Variants in CTSS observed in about 807,000 individuals in gnomAD.
CTSS encodes the protein cathepsin S.
In CTSS, 15 loss-of-function variants were observed where a neutral mutation model predicts 39.9. The observed-to-expected ratio is 0.38, with a 90% CI of 0.25 to 0.58. The LOEUF is 0.58. Among genes scored for constraint, CTSS ranks in the 20% least tolerant of loss-of-function variants. The pLI is 0.70. For synonymous variants in CTSS, 126 were observed against 138.2 expected, an observed-to-expected ratio of 0.91 and a Z score of 0.62; for missense variants, 250 against 398.2, an observed-to-expected ratio of 0.63 and a Z score of 3.17.
intron 7 of CTSS, among the ~76,000 whole-genome samples, chr1:150,745,999 G>A (rs1571097585): frequency 6.6e-6 from 1 of 152,106 alleles, no homozygotes; most frequent in East Asian, 1.9e-4. Context: ...TCTTATACCT[G>A]AAAGTTTACA....
intron 4 of CTSS, among the ~76,000 whole-genome samples, chr1:150,752,416 G>C (rs1161032754): frequency 6.6e-6 from 1 of 152,108 alleles, no homozygotes; most frequent in Non-Finnish European, 1.5e-5. Flanking sequence ...TATGATGCCT[G>C]AAACATAAGA....
intron 7 of CTSS, among the ~76,000 whole-genome samples, chr1:150,734,774 ATAAAT>A (rs1196067257): frequency 1.3e-5 from 2 of 152,218 alleles, no homozygotes; most frequent in Admixed American, 1.3e-4. Flanking sequence ...TTTTGAGTAA[ATAAAT>A]TTATATTAAT....
At chr1:150,763,602 CTT>C (rs755626979) in intron 2 of CTSS, among the ~76,000 whole-genome samples, 1 of 151,756 alleles carries the variant, frequency 6.6e-6, no homozygotes, top group African/African-American at 2.4e-5. Flanking sequence ...AAAAATAAAA[CTT>C]AGAGTGTATG....
intron 1 of CTSS, 148 bp downstream of exon 1, chr1:150,765,550 T>A (rs1052787948): frequency 3.9e-5 from 6 of 152,218 alleles, no homozygotes; most frequent in Non-Finnish European, 7.3e-5. Context: ...GACATTAACT[T>A]TTTAAAAATA....
chr1:150,730,469 C>G lies in CTSS; in HGVS notation c.*2577G>C, dbSNP rs978634278. ...TTTTCTCTGGGTGCCAGGAGAGCAC[C>G]TCTTACATGACAGTCTTATGATCTA... On this transcript the variant is annotated 3_prime_UTR_variant, in exon 8 of 8. Coordinates refer to ENST00000368985, the MANE Select transcript of CTSS (RefSeq NM_004079.5). 6.6e-6 allele frequency: 1 copy of G among 152,086 alleles called. No individual in the cohort carries two copies. Among genetic ancestry groups the G allele is most frequent in the African/African-American group, 2.4e-5 (1 of 41,404 alleles). The allele number at this position is 152,086 out of a possible 1,614,324, so 9.4% of individuals were successfully genotyped here. A position where few individuals can be genotyped will look rare whatever the true frequency, so the allele number is the denominator to read the frequency against.
At chr1:150,733,451 C>A (rs1652567694) in intron 7 of CTSS, among the ~76,000 whole-genome samples, 1 of 152,102 alleles carries the variant, frequency 6.6e-6, no homozygotes, top group Non-Finnish European at 1.5e-5. Context: ...TATTAGTATC[C>A]TTTATAAGCC....
At chr1:150,749,835 G>T (rs377511536) in intron 6 of CTSS, among the ~76,000 whole-genome samples, 171 bp downstream of exon 6, 2 of 151,102 alleles carry the variant, frequency 1.3e-5, no homozygotes, top group African/African-American at 4.9e-5. Context: ...TTTATTTTTC[G>T]TAGAGATAAG....
intron 2 of CTSS, among the ~76,000 whole-genome samples, chr1:150,762,154 G>T (rs184781504): frequency 6.6e-6 from 1 of 152,244 alleles, no homozygotes; most frequent in East Asian, 1.9e-4. Flanking sequence ...TTCAGCAAAG[G>T]TGCCAAGAAC....
chr1:150,761,703 C>A lies in CTSS; in HGVS notation c.126+2935G>T, dbSNP rs587639114. On this transcript the variant is annotated intron_variant, in intron 2 of 7. Coordinates refer to ENST00000368985, the MANE Select transcript of CTSS (RefSeq NM_004079.5). ...CAGAGGTCACGCCACTGCACCCCAG[C>A]CTGGGCAACAAGAGCAAAATTCCAT... 9.2e-5 allele frequency among the ~76,000 whole-genome samples: 14 copies of A among 151,920 alleles called. No individual in the cohort carries two copies. In the East Asian group the frequency reaches 2.7e-3, roughly 29 times the overall value.
At chr1:150,759,719 T>C (rs1416007491) in intron 2 of CTSS, among the ~76,000 whole-genome samples, 1 of 152,184 alleles carries the variant, frequency 6.6e-6, no homozygotes. Flanking sequence ...TTCATTTACA[T>C]AGAATACAAT....
chr1:150,758,143 A>G (rs1653173296), intron 2 of CTSS, among the ~76,000 whole-genome samples, 163 bp from the exon 3 acceptor site: 1 of 151,706 alleles, frequency 6.6e-6, no homozygotes, highest in Admixed American at 6.6e-5. Flanking sequence ...TCCGATTCTC[A>G]GGTTCAAGTG....
At chr1:150,734,357 T>C (rs1196799445) in intron 7 of CTSS, among the ~76,000 whole-genome samples, 3 of 151,756 alleles carry the variant, frequency 2.0e-5, no homozygotes, top group Non-Finnish European at 4.4e-5. Flanking sequence ...AAGCATACTA[T>C]TGGTCGGGCA....
At chr1:150,746,080 G>A (rs1283710483) in intron 7 of CTSS, among the ~76,000 whole-genome samples, 1 of 152,116 alleles carries the variant, frequency 6.6e-6, no homozygotes, top group Non-Finnish European at 1.5e-5. Flanking sequence ...GTCTGTTTCT[G>A]TAAGTTTGAC....
At chr1:150,758,394 G>A (rs970230806) in intron 2 of CTSS, among the ~76,000 whole-genome samples, 8 of 151,934 alleles carry the variant, frequency 5.3e-5, no homozygotes, top group Admixed American at 4.6e-4. Flanking sequence ...GGATCTGCCC[G>A]AGAGCATGCA....
At chr1:150,735,446 A>G (rs889058115) in intron 7 of CTSS, among the ~76,000 whole-genome samples, 15 of 151,998 alleles carry the variant, frequency 9.9e-5, no homozygotes, top group Non-Finnish European at 2.1e-4. Flanking sequence ...CTTCTCAAAC[A>G]TTTTCATGAG....
rs1571089220 is a variant in CTSS at position 150,732,891 on chromosome 1, G to A, written c.*155C>T. The stretch of plus-strand genomic sequence containing the variant: ...TCCCAAGTACTGGGATTACAGGCGT[G>A]AGCCACCGTGCCCGGCCTCAAACTA... On this transcript the variant is annotated 3_prime_UTR_variant, in exon 8 of 8. Coordinates refer to ENST00000368985, the MANE Select transcript of CTSS (RefSeq NM_004079.5). The A allele has an allele frequency of 5.5e-6, 3 of 542,406 alleles. No individual in the cohort carries two copies. Among genetic ancestry groups the A allele is most frequent in the South Asian group, 2.3e-5 (1 of 42,698 alleles). 33.6% of individuals were successfully genotyped at this position (542,406 alleles called of 1,614,324 possible). A position where few individuals can be genotyped will look rare whatever the true frequency, so the allele number is the denominator to read the frequency against.
intron 7 of CTSS, among the ~76,000 whole-genome samples, chr1:150,743,201 T>G (rs1652803991): frequency 6.6e-6 from 1 of 152,006 alleles, no homozygotes; most frequent in African/African-American, 2.4e-5. Flanking sequence ...TGAATCAAGA[T>G]AGTGAGAAAT....
At position 150,736,029 on chromosome 1, in the gene CTSS, A is replaced by T. The variant is rs587679064; in HGVS notation, c.897-2884T>A. 7.9e-5 allele frequency among the ~76,000 whole-genome samples: 12 copies of T among 152,210 alleles called. No homozygotes were observed. In the East Asian group the frequency reaches 2.3e-3, roughly 29 times the overall value. ...CGCCTCAGCCTCCCAAAGTGCTGGGATTACAGGCGTGAGCCACTGCGCCTG... is the reference window on the plus strand; with the variant it reads ...CGCCTCAGCCTCCCAAAGTGCTGGGTTTACAGGCGTGAGCCACTGCGCCTG... On this transcript the variant is annotated intron_variant, in intron 7 of 7. Coordinates refer to ENST00000368985, the MANE Select transcript of CTSS (RefSeq NM_004079.5).
At chr1:150,754,630 G>A (rs1367292412) in intron 4 of CTSS, among the ~76,000 whole-genome samples, 1 of 152,092 alleles carries the variant, frequency 6.6e-6, no homozygotes, top group Non-Finnish European at 1.5e-5. Flanking sequence ...GTTTCATCAT[G>A]TTGGCCAGGC....
Sources: gnomAD v4.1 joint callset for allele counts (sites outside exome capture counted in the v4.1 genomes callset) on GRCh38, gnomAD v4.1.1 for gene constraint, MANE v1.5 for transcripts, NCBI Gene and HGNC (gene_info 2026-07-23, HGNC 2026-07-21) for gene names.